Variants in FAM149A observed in about 807,000 individuals in gnomAD.
FAM149A encodes the protein protein FAM149A.
In FAM149A, 71 loss-of-function variants were observed where a neutral mutation model predicts 78.2. The ratio of observed to expected loss-of-function variants is 0.91; its 90% CI spans 0.75 to 1.11. FAM149A has a LOEUF of 1.11. Ranked by LOEUF, FAM149A falls within the 50% of genes least tolerant of loss-of-function variation. The probability of loss-of-function intolerance (pLI) is 0.00; values close to 1 mark genes in which losing one functional copy is unlikely to be tolerated. For synonymous variants in FAM149A, 446 were observed against 410.5 expected (o/e 1.09, Z -1.04); for missense variants, 1,036 against 971.0 (o/e 1.07, Z -0.89).
chr4:186,118,155 A>G (rs2099314495), intron 1 of FAM149A: 4 of 985,284 alleles, frequency 4.1e-6, no homozygotes, highest in Non-Finnish European at 3.6e-6. Flanking sequence ...GGAGTTGGTG[A>G]ACACACACAG....
Position 186,162,827 on chromosome 4 carries a change from T to TTTTTTTTTTC in FAM149A, c.1576-12_1576-11insTTTCTTTTTT. The TTTTTTTTTTC allele has an allele frequency of 1.0e-6, 1 of 986,882 alleles. No individual in the cohort carries two copies. Among genetic ancestry groups the TTTTTTTTTTC allele is most frequent in the Admixed American group, 2.6e-5 (1 of 39,080 alleles). 61.1% of individuals were successfully genotyped at this position (986,882 alleles called of 1,614,324 possible). On this transcript the variant is annotated splice_polypyrimidine_tract_variant and intron_variant, in intron 8 of 13. Coordinates refer to ENST00000389354, the MANE Select transcript of FAM149A (RefSeq NM_001367768.3). ...TTGTAATTCTTTTTTTTTTTTTTTT[T>TTTTTTTTTTC]TTTTTTACTGTTCTCAGATTCATCA...
chr4:186,125,461 G>A (rs918617006), intron 1 of FAM149A: 23 of 522,778 alleles, frequency 4.4e-5, no homozygotes, highest in South Asian at 8.1e-5. Flanking sequence ...ATCAGAGCAC[G>A]CTGGGAAGCC....
At chr4:186,117,983 C>T (rs1290333477) in intron 1 of FAM149A, 3 of 985,300 alleles carry the variant, frequency 3.0e-6, no homozygotes, top group Non-Finnish European at 3.6e-6. Flanking sequence ...ACAGAAGATG[C>T]GGGTTTGTCA....
intron 1 of FAM149A, chr4:186,123,096 C>T (rs6829614): frequency 0.64 from 230,146 of 361,196 alleles, 73,946 homozygotes; most frequent in African/African-American, 0.77. Context: ...GAGATACTTT[C>T]ATTCATAGGC....
chr4:186,166,960 T>G lies in FAM149A; in HGVS notation c.2011-8T>G. ...ATTTTAAACAAGAACATACTATCCT[T>G]CATTTAGTACAGAGGAAGGCATCTA... On this transcript the variant is annotated splice_region_variant and splice_polypyrimidine_tract_variant and intron_variant, in intron 11 of 13. Coordinates refer to ENST00000389354, the MANE Select transcript of FAM149A (RefSeq NM_001367768.3). 1 of 1,609,828 alleles carries G rather than the reference T, an allele frequency of 6.2e-7. No individual in the cohort carries two copies. The highest frequency in any genetic ancestry group is 8.5e-7 in the Non-Finnish European group (1 of 1,177,632).
intron 1 of FAM149A, 128 bp downstream of exon 1, chr4:186,105,770 G>A: frequency 1.7e-6 from 1 of 594,366 alleles, no homozygotes; most frequent in Non-Finnish European, 2.1e-6. Flanking sequence ...ATAACCCCCT[G>A]GGCACCCTCC....
In FAM149A at chr4:186,157,897, T is replaced by C. The variant is rs1225304940; in HGVS notation, c.1575+178T>C. On this transcript the variant is annotated intron_variant, in intron 8 of 13. Coordinates refer to ENST00000389354, the MANE Select transcript of FAM149A (RefSeq NM_001367768.3). ...AAGGGAAACCTTCACAGTGTCACAA[T>C]GCCTGGAGACCTGGACGTCCTGCCT... The C allele has an allele frequency of 2.0e-6, 3 of 1,535,354 alleles. No individual in the cohort carries two copies. In the East Asian group the frequency reaches 7.3e-5, roughly 38 times the overall value.
rs897580514 is a variant in FAM149A at position 186,123,068 on chromosome 4, G to A, written c.566+17426G>A. On this transcript the variant is annotated intron_variant, in intron 1 of 13. Transcript: ENST00000389354. Reference sequence around the variant, plus strand: ...TTGTTACAAGGGAATAAGAAATGGTGGGGAAGAGAAGACGGAGGAGATACT... The same window carrying A: ...TTGTTACAAGGGAATAAGAAATGGTAGGGAAGAGAAGACGGAGGAGATACT... 1.3e-5 allele frequency: 3 copies of A among 226,978 alleles called. No homozygotes were observed. In the Admixed American group the frequency reaches 2.0e-4, roughly 15 times the overall value. 14.1% of individuals were successfully genotyped at this position (226,978 alleles called of 1,614,324 possible).
In FAM149A at chr4:186,122,057, A is replaced by C. The variant is rs144677705; in HGVS notation, c.566+16415A>C. Among the ~76,000 whole-genome samples the C allele has an allele frequency of 6.3e-3, 956 of 152,284 alleles. 14 individuals are homozygous for C. The highest frequency in any genetic ancestry group is 0.021 in the African/African-American group (889 of 41,554). The stretch of plus-strand genomic sequence containing the variant: ...AGCCAATACCTGTCTTCCTTTCACT[A>C]GTTTCTCACTTGTCTCAATTATGTC... On this transcript the variant is annotated intron_variant, in intron 1 of 13. Coordinates refer to ENST00000389354, the MANE Select transcript of FAM149A (RefSeq NM_001367768.3).
intron 1 of FAM149A, among the ~76,000 whole-genome samples, chr4:186,143,499 AGTG>A (rs1241958136): frequency 6.6e-6 from 1 of 152,128 alleles, no homozygotes; most frequent in Non-Finnish European, 1.5e-5. Context: ...CTTTTATAAA[AGTG>A]GGGAGGATTC....
At chr4:186,158,210 G>A in intron 8 of FAM149A, 1 of 1,279,066 alleles carries the variant, frequency 7.8e-7, no homozygotes, top group Non-Finnish European at 1.0e-6. Context: ...CTTCTCTCCT[G>A]GAACCTTCAC....
rs970571961 is a variant in FAM149A at position 186,125,803 on chromosome 4, C to G, written c.566+20161C>G. On this transcript the variant is annotated intron_variant, in intron 1 of 13. Transcript: ENST00000389354. ...GCAAGCTGGGGCCATGAATACCCAACCGTTTGGAAGGGAGGCCAAAAAGAA... is the reference window on the plus strand; with the variant it reads ...GCAAGCTGGGGCCATGAATACCCAAGCGTTTGGAAGGGAGGCCAAAAAGAA... 2.2e-5 allele frequency: 22 copies of G among 985,286 alleles called. No homozygotes were observed. In the Middle Eastern group the frequency reaches 1.6e-3, roughly 70 times the overall value. The allele number at this position is 985,286 out of a possible 1,614,324, so 61.0% of individuals were successfully genotyped here.
chr4:186,109,459 C>T, intron 1 of FAM149A: 1 of 984,300 alleles, frequency 1.0e-6, no homozygotes. Flanking sequence ...AGGCAGCCTC[C>T]AGTGTGATGA....
chr4:186,105,314 C>T lies in FAM149A; in HGVS notation c.238C>T (p.Arg80Trp), dbSNP rs1022232568. 533 of 1,170,280 alleles carry T rather than the reference C, an allele frequency of 4.6e-4. 1 individual carries two copies. The highest frequency in any genetic ancestry group is 3.1e-3 in the Middle Eastern group (8 of 2,582). The allele number at this position is 1,170,280 out of a possible 1,614,324, so 72.5% of individuals were successfully genotyped here. The change falls in exon 1 of 14, where the codon CGG becomes TGG. Residue 80 changes from arginine to tryptophan, a missense_variant. Coordinates refer to ENST00000389354, the MANE Select transcript of FAM149A (RefSeq NM_001367768.3). ...CCCGCTGCTCTCCTCCCCCTACTCC[C>T]GGGGCTCCGCCGCCAGCCGCGCCGC...
At chr4:186,137,565 TA>T (rs1387419163) in intron 1 of FAM149A, among the ~76,000 whole-genome samples, 1 of 151,904 alleles carries the variant, frequency 6.6e-6, no homozygotes, top group African/African-American at 2.4e-5. Flanking sequence ...AAAGAAACCA[TA>T]AAGTATTAAA....
chr4:186,142,642 C>T lies in FAM149A; in HGVS notation c.567-6531C>T, dbSNP rs1232239993. On this transcript the variant is annotated intron_variant, in intron 1 of 13. Transcript: ENST00000389354. ...CTAAGCTGCCACGTAGAAATTCCAA[C>T]GACTTCACTGGAGGGACCACTCAGA... Among the ~76,000 whole-genome samples the T allele has an allele frequency of 3.3e-5, 5 of 152,262 alleles. 1 individual carries two copies. The highest frequency in any genetic ancestry group is 4.2e-4 in the South Asian group (2 of 4,818).
At chr4:186,125,574 C>T (rs981405028) in intron 1 of FAM149A, 6 of 478,602 alleles carry the variant, frequency 1.3e-5, no homozygotes, top group African/African-American at 6.3e-5. Context: ...AGGTTTCTCA[C>T]GAGAATTTGC....
chr4:186,129,832 T>A (rs1000936212), intron 1 of FAM149A, among the ~76,000 whole-genome samples: 1 of 152,234 alleles, frequency 6.6e-6, no homozygotes, highest in African/African-American at 2.4e-5. Context: ...AGTGTTTGCA[T>A]GTGCAAATAT....
chr4:186,146,441 C>G, intron 1 of FAM149A: 1 of 985,144 alleles, frequency 1.0e-6, no homozygotes. Context: ...GAAGCCTGGT[C>G]CTGGAAAGGA....
Sources: gnomAD v4.1 joint callset for allele counts (sites outside exome capture counted in the v4.1 genomes callset) on GRCh38, gnomAD v4.1.1 for gene constraint, MANE v1.5 for transcripts, NCBI Gene and HGNC (gene_info 2026-07-23, HGNC 2026-07-21) for gene names.